The following P3H2 variants were observed in gnomAD, a reference collection of about 807,000 sequenced individuals.
The protein encoded by P3H2 is prolyl 3-hydroxylase 2, also known as leprecan-like 1.
Under a neutral mutation model 87.0 loss-of-function variants are expected in P3H2, and 80 were observed. That is an observed-to-expected ratio of 0.92 (90% CI 0.77 to 1.11). The LOEUF (loss-of-function observed/expected upper bound fraction) is 1.11, where lower values mean the gene tolerates loss of function less well. Among genes scored for constraint, P3H2 ranks in the 50% least tolerant of loss-of-function variants. The pLI is 0.00. For missense variants in P3H2, 1,001 were observed against 923.9 expected, an observed-to-expected ratio of 1.08 and a Z score of -1.08; for synonymous variants, 367 against 359.3, an observed-to-expected ratio of 1.02 and a Z score of -0.24.
intron 1 of P3H2, among the ~76,000 whole-genome samples, chr3:190,073,504 G>A (rs564897568): frequency 6.6e-6 from 1 of 152,244 alleles, no homozygotes; most frequent in Non-Finnish European, 1.5e-5. Context: ...ATGGTAAGAG[G>A]GTCATTAACC....
chr3:190,098,758 CTT>C (rs1291961667), intron 1 of P3H2, among the ~76,000 whole-genome samples: 1 of 152,152 alleles, frequency 6.6e-6, no homozygotes, highest in East Asian at 1.9e-4. Flanking sequence ...CAGTTTCAGA[CTT>C]AACAATGATT....
upstream of P3H2, chr3:190,121,456 A>C (rs548948985): frequency 6.6e-6 from 1 of 152,332 alleles, no homozygotes; most frequent in East Asian, 1.9e-4. Flanking sequence ...AGAGCTGAGA[A>C]GTGGCAAAGG....
chr3:190,026,591 C>T (rs1175128263), intron 1 of P3H2, among the ~76,000 whole-genome samples: 1 of 152,180 alleles, frequency 6.6e-6, no homozygotes, highest in Non-Finnish European at 1.5e-5. Context: ...AATAATCCAC[C>T]CCTTGTTTAG....
intron 1 of P3H2, among the ~76,000 whole-genome samples, chr3:190,015,305 T>C (rs1265418177): frequency 1.3e-5 from 2 of 152,240 alleles, no homozygotes; most frequent in Non-Finnish European, 2.9e-5. Context: ...TTCCTATGTT[T>C]ATCTCTTTAG....
intron 1 of P3H2, among the ~76,000 whole-genome samples, chr3:190,067,011 C>A (rs60035002): frequency 7.2e-6 from 1 of 139,768 alleles, no homozygotes; most frequent in Non-Finnish European, 1.6e-5. Flanking sequence ...AATTTTCTTT[C>A]TTTTTTTTTT....
At chr3:189,974,791 C>T in intron 8 of P3H2, 106 bp from the exon 9 acceptor site, 4 of 1,342,342 alleles carry the variant, frequency 3.0e-6, no homozygotes, top group Non-Finnish European at 4.3e-6. Context: ...TCCATTTCTT[C>T]ATGAATATTT....
chr3:190,097,416 C>G (rs1727621176), intron 1 of P3H2, among the ~76,000 whole-genome samples: 1 of 152,164 alleles, frequency 6.6e-6, no homozygotes, highest in Admixed American at 6.5e-5. Flanking sequence ...CAATAAGAGA[C>G]TGACTTATAC....
intron 1 of P3H2, among the ~76,000 whole-genome samples, chr3:190,059,377 C>T (rs1432604826): frequency 1.3e-5 from 2 of 151,880 alleles, no homozygotes; most frequent in East Asian, 1.9e-4. Flanking sequence ...ACAGCTGCAC[C>T]GAGAGGTATC....
chr3:189,967,616 T>C (rs886160391), intron 13 of P3H2, among the ~76,000 whole-genome samples: 2 of 151,862 alleles, frequency 1.3e-5, no homozygotes, highest in Admixed American at 6.6e-5. Context: ...AAAAACCTTC[T>C]GGACTTTAAA....
chr3:189,987,264 C>T (rs559584037), intron 5 of P3H2, among the ~76,000 whole-genome samples: 4 of 151,968 alleles, frequency 2.6e-5, no homozygotes, highest in African/African-American at 4.8e-5. Flanking sequence ...CACCTGAGGT[C>T]GGGAGTTCGA....
chr3:190,080,662 A>C (rs13063310), intron 1 of P3H2, among the ~76,000 whole-genome samples: 3,600 of 152,142 alleles, frequency 0.024, 69 homozygotes, highest in Non-Finnish European at 0.038. Context: ...TCGGCCTCCC[A>C]AAGTGCTGGG....
chr3:190,016,807 C>T (rs757386005), intron 1 of P3H2, among the ~76,000 whole-genome samples: 19 of 152,188 alleles, frequency 1.2e-4, no homozygotes, highest in Non-Finnish European at 2.2e-4. Context: ...CCTTCTTGCA[C>T]GCATTCAGCA....
intron 3 of P3H2, among the ~76,000 whole-genome samples, chr3:189,990,070 TCAA>T (rs148382031): frequency 0.29 from 43,466 of 151,712 alleles, 6,655 homozygotes; most frequent in East Asian, 0.48. Context: ...TGCCTTTTTT[TCAA>T]AAGGTTCTCT....
At chr3:189,971,533 A>G (rs1022341682) in intron 12 of P3H2, 1 of 304,756 alleles carries the variant, frequency 3.3e-6, no homozygotes, top group South Asian at 3.1e-5. Context: ...TTGATGTGAT[A>G]AAGTCCTTAT....
rs879057226 is a variant in P3H2, at chr3:189,970,931, C to G, written c.1818-40G>C. The G allele has an allele frequency of 7.3e-6, 8 of 1,094,166 alleles. No homozygotes were observed. The South Asian group carries it at 9.9e-5, about 14-fold the overall frequency. 67.8% of individuals were successfully genotyped at this position (1,094,166 alleles called of 1,614,324 possible). A position where few individuals can be genotyped will look rare whatever the true frequency, so the allele number is the denominator to read the frequency against. On this transcript the variant is annotated intron_variant, in intron 12 of 14. Coordinates refer to ENST00000319332, the MANE Select transcript of P3H2 (RefSeq NM_018192.4). ...AGAAAACTATTTGTATTATTATATGCTTATGAGAGCATGGTCATAGAATAC... is the reference window on the plus strand; with the variant it reads ...AGAAAACTATTTGTATTATTATATGGTTATGAGAGCATGGTCATAGAATAC...
chr3:189,962,615 T>C (rs1431781293), intron 14 of P3H2, among the ~76,000 whole-genome samples: 1 of 152,220 alleles, frequency 6.6e-6, no homozygotes, highest in Non-Finnish European at 1.5e-5. Flanking sequence ...AAGCTCCTCA[T>C]AGTCCAGGAC....
At chr3:190,081,022 G>A (rs1045677423) in intron 1 of P3H2, among the ~76,000 whole-genome samples, 4 of 152,102 alleles carry the variant, frequency 2.6e-5, no homozygotes, top group Non-Finnish European at 5.9e-5. Context: ...AATATCTAAC[G>A]CTTACAGATA....
At chr3:190,111,284 G>T (rs939660029) in intron 1 of P3H2, among the ~76,000 whole-genome samples, 1 of 138,230 alleles carries the variant, frequency 7.2e-6, no homozygotes, top group Non-Finnish European at 1.5e-5. Context: ...TTTTAACTTC[G>T]TTAAGCTTGT....
chr3:190,055,247 C>T (rs1726113271), intron 1 of P3H2, among the ~76,000 whole-genome samples: 1 of 152,186 alleles, frequency 6.6e-6, no homozygotes, highest in African/African-American at 2.4e-5. Context: ...TTACATTCAG[C>T]AGTCTCCTCA....
Sources: allele counts gnomAD v4.1 joint callset (sites outside exome capture counted in the v4.1 genomes callset), GRCh38; gene constraint gnomAD v4.1.1; transcripts MANE v1.5; gene names NCBI Gene and HGNC (gene_info 2026-07-23, HGNC 2026-07-21).